The following NMNAT2 variants were observed in gnomAD, a reference collection of about 807,000 sequenced individuals.
The protein encoded by NMNAT2 is nicotinamide/nicotinic acid mononucleotide adenylyltransferase 2.
Under a neutral mutation model 41.6 loss-of-function variants are expected in NMNAT2, and 11 were observed. The observed-to-expected ratio is 0.26, with a 90% CI of 0.17 to 0.44. The LOEUF (loss-of-function observed/expected upper bound fraction) is 0.44. NMNAT2 is among the 20% of genes least tolerant of loss of function. The pLI, the probability that NMNAT2 is intolerant of heterozygous loss-of-function variation, is 1.00. For missense variants in NMNAT2, 288 were observed against 407.7 expected, an observed-to-expected ratio of 0.71 and a Z score of 2.53; for synonymous variants, 148 against 151.2, an observed-to-expected ratio of 0.98 and a Z score of 0.16.
chr1:183,288,359 A>G (rs939392808), intron 4 of NMNAT2, among the ~76,000 whole-genome samples: 6 of 152,170 alleles, frequency 3.9e-5, no homozygotes, highest in Non-Finnish European at 8.8e-5. Flanking sequence ...CACCTGCCTC[A>G]TGCTTGCTAG....
intron 1 of NMNAT2, among the ~76,000 whole-genome samples, chr1:183,405,734 CT>C (rs1272294055): frequency 1.3e-5 from 2 of 152,202 alleles, no homozygotes; most frequent in African/African-American, 4.8e-5. Context: ...TTCAAGAGAA[CT>C]TGTTTTAAAA....
Position 183,273,760 on chromosome 1 carries a change from C to T in NMNAT2, c.651+4793G>A, listed in dbSNP as rs144692597. Among the ~76,000 whole-genome samples, 310 of 148,956 alleles carry T rather than the reference C, an allele frequency of 2.1e-3. 6 individuals are homozygous for T. In the East Asian group the frequency reaches 0.052, roughly 25 times the overall value. On this transcript the variant is annotated intron_variant, in intron 8 of 10. Transcript: ENST00000287713. ...TTTCTTTTTCTCTCTTTTTTCCCTC[C>T]CTTCCTTCCTTCCTCTTTCTTTCTT... is the stretch of plus-strand genomic sequence containing the variant.
At chr1:183,312,127 G>A (rs974808005) in intron 1 of NMNAT2, among the ~76,000 whole-genome samples, 2 of 151,934 alleles carry the variant, frequency 1.3e-5, no homozygotes, top group Admixed American at 6.6e-5. Context: ...TGTCTTTACC[G>A]GCAGTGTGAA....
rs1209943193 is a variant in NMNAT2 at position 183,283,892 on chromosome 1, A to G, written c.574+103T>C. ...TTCCGAGAGGAGACCCTGCTGCAAAACAGTCCCTGGGTTTTCAAGCCTCTC... is the reference window on the plus strand; with the variant it reads ...TTCCGAGAGGAGACCCTGCTGCAAAGCAGTCCCTGGGTTTTCAAGCCTCTC... On this transcript the variant is annotated intron_variant, in intron 7 of 10. Transcript: ENST00000287713. 5.3e-6 allele frequency: 6 copies of G among 1,124,550 alleles called. No homozygotes were observed. In the Admixed American group the frequency reaches 1.0e-4, roughly 19 times the overall value. 69.7% of individuals were successfully genotyped at this position (1,124,550 alleles called of 1,614,324 possible). A position where few individuals can be genotyped will look rare whatever the true frequency, so the allele number is the denominator to read the frequency against.
intron 8 of NMNAT2, among the ~76,000 whole-genome samples, chr1:183,264,736 GA>G (rs1441181032): frequency 6.6e-6 from 1 of 152,128 alleles, no homozygotes; most frequent in Non-Finnish European, 1.5e-5. Context: ...GAGTTGGTGA[GA>G]TGTGCCCTCA....
intron 1 of NMNAT2, among the ~76,000 whole-genome samples, chr1:183,301,140 G>T (rs971923565): frequency 3.3e-5 from 5 of 152,136 alleles, no homozygotes; most frequent in Admixed American, 2.0e-4. Flanking sequence ...GAGTTTGGGG[G>T]CACCTCCTTA....
chr1:183,404,099 AT>A (rs10655990), intron 1 of NMNAT2, among the ~76,000 whole-genome samples: 8,245 of 138,406 alleles, frequency 0.06, 290 homozygotes, highest in African/African-American at 0.12. Context: ...CAGAAATGTA[AT>A]TTTTTTTTTT....
chr1:183,283,790 G>A, intron 7 of NMNAT2: 1 of 619,674 alleles, frequency 1.6e-6, no homozygotes, highest in South Asian at 1.7e-5. Context: ...TATCTCTTGG[G>A]AGTTGGCTGG....
chr1:183,285,750 C>T (rs774644301), intron 5 of NMNAT2, among the ~76,000 whole-genome samples: 2 of 152,194 alleles, frequency 1.3e-5, no homozygotes, highest in Non-Finnish European at 2.9e-5. Flanking sequence ...AATCACTTTT[C>T]TTCTCTGAAT....
chr1:183,290,899 C>T (rs555113219), intron 3 of NMNAT2, among the ~76,000 whole-genome samples: 2 of 152,278 alleles, frequency 1.3e-5, no homozygotes, highest in South Asian at 4.1e-4. Context: ...ACTGAGGCAG[C>T]ACTGGGGCTT....
chr1:183,300,766 C>T (rs112274645), intron 1 of NMNAT2, among the ~76,000 whole-genome samples: 2 of 152,196 alleles, frequency 1.3e-5, no homozygotes, highest in African/African-American at 2.4e-5. Context: ...CAGGCAGTGG[C>T]AAGCAAGCTG....
At chr1:183,277,209 A>C (rs1370198305) in intron 8 of NMNAT2, among the ~76,000 whole-genome samples, 1 of 152,142 alleles carries the variant, frequency 6.6e-6, no homozygotes, top group Admixed American at 6.5e-5. Context: ...TTGGAAGAGA[A>C]TAGTGCCTCA....
chr1:183,410,253 G>A (rs1441998901), intron 1 of NMNAT2, among the ~76,000 whole-genome samples: 2 of 151,976 alleles, frequency 1.3e-5, no homozygotes, highest in Non-Finnish European at 2.9e-5. Flanking sequence ...AACCCGGGAG[G>A]TGGAGGTTGC....
chr1:183,329,910 G>A (rs568184908), intron 1 of NMNAT2, among the ~76,000 whole-genome samples: 32 of 152,266 alleles, frequency 2.1e-4, no homozygotes, highest in South Asian at 1.0e-3. Flanking sequence ...GCCAGATAGC[G>A]GCACAACCCA....
intron 2 of NMNAT2, among the ~76,000 whole-genome samples, chr1:183,293,177 T>A (rs1440179017): frequency 6.6e-6 from 1 of 152,188 alleles, no homozygotes; most frequent in Non-Finnish European, 1.5e-5. Context: ...TATGGCTCAG[T>A]CTGGCTGGTT....
chr1:183,392,098 C>T (rs1270290232), intron 1 of NMNAT2, among the ~76,000 whole-genome samples: 2 of 152,134 alleles, frequency 1.3e-5, no homozygotes, highest in Non-Finnish European at 2.9e-5. Context: ...TTATTTTTGG[C>T]TCAGGCTGAA....
intron 1 of NMNAT2, among the ~76,000 whole-genome samples, chr1:183,328,269 C>G (rs1435931770): frequency 6.6e-6 from 1 of 152,294 alleles, no homozygotes; most frequent in East Asian, 1.9e-4. Flanking sequence ...TGCTCTACCC[C>G]CTCTCACCTC....
chr1:183,315,402 A>G (rs1203324447), intron 1 of NMNAT2, among the ~76,000 whole-genome samples: 1 of 152,264 alleles, frequency 6.6e-6, no homozygotes, highest in African/African-American at 2.4e-5. Flanking sequence ...AACATGTGCA[A>G]TAACAAGTCT....
chr1:183,302,393 C>T (rs1044644395), intron 1 of NMNAT2, among the ~76,000 whole-genome samples: 2 of 152,108 alleles, frequency 1.3e-5, no homozygotes, highest in African/African-American at 4.8e-5. Flanking sequence ...AGGAAGTCTT[C>T]CTAGAACAGA....
Sources: allele counts gnomAD v4.1 joint callset (sites outside exome capture counted in the v4.1 genomes callset), GRCh38; gene constraint gnomAD v4.1.1; transcripts MANE v1.5; gene names NCBI Gene and HGNC (gene_info 2026-07-23, HGNC 2026-07-21).